RASGRF1: variants seen among roughly 807,000 people sequenced by gnomAD.
The protein encoded by RASGRF1 is ras-specific guanine nucleotide-releasing factor 1.
RASGRF1 carries 40 observed loss-of-function variants against 138.7 expected under a neutral mutation model. That is an observed-to-expected ratio of 0.29 (90% CI 0.22 to 0.38). The LOEUF (loss-of-function observed/expected upper bound fraction) is 0.38, where lower values mean the gene tolerates loss of function less well. RASGRF1 is among the 10% of genes least tolerant of loss of function. The probability of loss-of-function intolerance (pLI) is 1.00; values close to 1 mark genes in which losing one functional copy is unlikely to be tolerated. For missense variants in RASGRF1, 1,108 were observed against 1,650.4 expected (o/e 0.67, Z 5.69); for synonymous variants, 614 against 663.2 (o/e 0.93, Z 1.14).
intron 4 of RASGRF1, among the ~76,000 whole-genome samples, chr15:79,048,466 T>C (rs901869021): frequency 3.9e-5 from 6 of 152,220 alleles, no homozygotes; most frequent in African/African-American, 9.7e-5. Flanking sequence ...TGCCTCTCTG[T>C]GTCTCAGCTT....
intron 5 of RASGRF1, among the ~76,000 whole-genome samples, chr15:79,039,312 A>G (rs1401069103): frequency 6.6e-6 from 1 of 150,940 alleles, no homozygotes; most frequent in Admixed American, 6.6e-5. Context: ...AAAAAAAAAA[A>G]AAAAAAAAAA....
chr15:78,971,841 G>GT (rs1266897835), intron 26 of RASGRF1, 25 bp downstream of exon 26: 2 of 1,544,592 alleles, frequency 1.3e-6, no homozygotes, highest in Non-Finnish European at 1.8e-6. Context: ...AAGCATGCAA[G>GT]TGACCAGGAA....
chr15:79,049,884 T>C (rs551744621), intron 3 of RASGRF1, among the ~76,000 whole-genome samples: 87 of 152,326 alleles, frequency 5.7e-4, no homozygotes, highest in African/African-American at 2.1e-3. Context: ...CTCGGGGCTG[T>C]AGCCACCTCA....
At chr15:79,067,154 C>T (rs564258763) in intron 1 of RASGRF1, among the ~76,000 whole-genome samples, 4 of 152,208 alleles carry the variant, frequency 2.6e-5, no homozygotes, top group African/African-American at 9.6e-5. Context: ...GGGTGGCCTT[C>T]GGGACAAGCG....
chr15:79,047,667 T>A (rs2057373145), intron 4 of RASGRF1, among the ~76,000 whole-genome samples: 1 of 152,190 alleles, frequency 6.6e-6, no homozygotes, highest in Admixed American at 6.5e-5. Flanking sequence ...CTTAACTCAG[T>A]TGCCTTGGAG....
At chr15:79,064,359 T>G in intron 2 of RASGRF1, 61 bp downstream of exon 2, 1 of 1,502,740 alleles carries the variant, frequency 6.7e-7, no homozygotes, top group Admixed American at 1.7e-5. Context: ...GGCCCTTGGG[T>G]CTGGTCTTTT....
intron 13 of RASGRF1, among the ~76,000 whole-genome samples, chr15:79,011,842 C>A (rs962167377): frequency 6.6e-6 from 1 of 152,080 alleles, no homozygotes; most frequent in Admixed American, 6.6e-5. Flanking sequence ...TGGTGTCTTG[C>A]TATGTGTTTG....
Position 79,032,167 on chromosome 15 carries a change from C to T in RASGRF1, c.1108G>A (p.Glu370Lys), listed in dbSNP as rs763571781. 8 of 1,614,080 alleles carry T rather than the reference C, an allele frequency of 5.0e-6. No homozygotes were observed. The highest frequency in any genetic ancestry group is 1.3e-5 in the African/African-American group (1 of 75,042). Reference protein sequence around the residue: ...LKHYEAKPDCEERTLETFLTY... With the variant: ...LKHYEAKPDCKERTLETFLTY... Reference sequence around the variant, plus strand: ...AGGAAGGTCTCCAGCGTCCTCTCCTCGCAGTCAGGCTTGGCCTCGTAGTGC... The same window carrying T: ...AGGAAGGTCTCCAGCGTCCTCTCCTTGCAGTCAGGCTTGGCCTCGTAGTGC... Residue 370 changes from glutamate (E) to lysine (K), a missense_variant, in exon 7 of 27, where the codon GAG becomes AAG. Physicochemically the swap from Glu to Lys is moderately conservative, Grantham distance 56. Coordinates refer to ENST00000558480, the MANE Select transcript of RASGRF1 (RefSeq NM_001145648.3). This position sits in a 1 kb window ranked among gnomAD's most constrained non-coding sequence, Gnocchi z 4.5.
intron 3 of RASGRF1, among the ~76,000 whole-genome samples, chr15:79,056,495 C>T (rs2057513157): frequency 6.6e-6 from 1 of 152,272 alleles, no homozygotes. Context: ...AGTGGAAAGA[C>T]TGGCAAGCAG....
At chr15:79,003,050 G>A (rs1233123923) in intron 15 of RASGRF1, among the ~76,000 whole-genome samples, 2 of 152,194 alleles carry the variant, frequency 1.3e-5, no homozygotes, top group Admixed American at 6.5e-5. Context: ...AGAACAGTCA[G>A]GAGAAACCCT....
intron 19 of RASGRF1, among the ~76,000 whole-genome samples, chr15:78,997,348 T>C (rs62011189): frequency 0.14 from 20,775 of 152,296 alleles, 1,485 homozygotes; most frequent in Admixed American, 0.16. Flanking sequence ...ATGCAGGGAC[T>C]GCTAGCCACA....
chr15:79,020,647 C>G (rs2056947842), intron 10 of RASGRF1, among the ~76,000 whole-genome samples: 1 of 152,180 alleles, frequency 6.6e-6, no homozygotes, highest in Non-Finnish European at 1.5e-5. Context: ...CGATCCCAGT[C>G]CTGGTCAGTT....
chr15:78,977,705 A>G (rs1175100508), intron 24 of RASGRF1, among the ~76,000 whole-genome samples: 1 of 152,216 alleles, frequency 6.6e-6, no homozygotes, highest in Non-Finnish European at 1.5e-5. Flanking sequence ...CAAAGGGGAA[A>G]GGCTTTCACT....
chr15:79,030,959 A>G (rs1595919748), intron 8 of RASGRF1, among the ~76,000 whole-genome samples: 1 of 152,186 alleles, frequency 6.6e-6, no homozygotes, highest in Non-Finnish European at 1.5e-5. Context: ...AGATTGGACA[A>G]GCCATGTGCT....
At chr15:78,965,002 G>A (rs900712847) in intron 26 of RASGRF1, among the ~76,000 whole-genome samples, 6 of 152,086 alleles carry the variant, frequency 3.9e-5, no homozygotes, top group African/African-American at 1.2e-4. Flanking sequence ...ACAAGCATGA[G>A]CCACCGCGCC....
At chr15:78,965,578 C>T (rs1193955364) in intron 26 of RASGRF1, among the ~76,000 whole-genome samples, 1 of 152,214 alleles carries the variant, frequency 6.6e-6, no homozygotes, top group African/African-American at 2.4e-5. Flanking sequence ...CAGCCAGGCG[C>T]AGTGGCTTAT....
At chr15:79,036,813 GGAGA>G (rs769087848) in intron 5 of RASGRF1, among the ~76,000 whole-genome samples, 1 of 151,876 alleles carries the variant, frequency 6.6e-6, no homozygotes, top group Non-Finnish European at 1.5e-5. Context: ...AGAAAGGGAG[GGAGA>G]GAGAACAGAA....
chr15:78,985,146 C>G lies in RASGRF1; in HGVS notation c.3275G>C (p.Ser1092Thr). ...IRNEDINARV[S>T]AIEKWVAVAD... ...TACGGCCACCCACTTCTCGATGGCGCTCACCCTGGCGTTGATGTCCTCATT... is the reference window on the plus strand; with the variant it reads ...TACGGCCACCCACTTCTCGATGGCGGTCACCCTGGCGTTGATGTCCTCATT... The change falls in exon 23 of 27, where the codon AGC becomes ACC. Residue 1092 changes from serine to threonine, a missense_variant. Physicochemically the swap from Ser to Thr is moderately conservative, Grantham distance 58 (BLOSUM62 1). Transcript: ENST00000558480. 6.2e-7 allele frequency: 1 copy of G among 1,613,586 alleles called. No homozygotes were observed. The highest frequency in any genetic ancestry group is 8.5e-7 in the Non-Finnish European group (1 of 1,179,454).
At chr15:78,983,542 C>A (rs927007705) in intron 23 of RASGRF1, among the ~76,000 whole-genome samples, 1 of 152,184 alleles carries the variant, frequency 6.6e-6, no homozygotes. Flanking sequence ...GGGTGGGAAA[C>A]TGAAGCCTGG....
Sources: gnomAD v4.1 joint callset for allele counts (sites outside exome capture counted in the v4.1 genomes callset) on GRCh38, gnomAD v4.1.1 for gene constraint, Gnocchi (gnomAD v3.1) non-coding constraint, MANE v1.5 for transcripts, NCBI Gene and HGNC (gene_info 2026-07-23, HGNC 2026-07-21) for gene names.